Variants in TAFA2 observed in about 807,000 individuals in gnomAD.
TAFA2 encodes TAFA chemokine like family member 2, also known as chemokine-like protein TAFA-2.
In TAFA2, 7 loss-of-function variants were observed where a neutral mutation model predicts 18.8. That is an observed-to-expected ratio of 0.37 (90% CI 0.21 to 0.70). The LOEUF (loss-of-function observed/expected upper bound fraction) is 0.70, where lower values mean the gene tolerates loss of function less well. Ranked by LOEUF, TAFA2 falls within the 30% of genes least tolerant of loss-of-function variation. The probability of loss-of-function intolerance (pLI) is 0.53; values close to 1 mark genes in which losing one functional copy is unlikely to be tolerated. For synonymous variants in TAFA2, 60 were observed against 54.2 expected (o/e 1.11, Z -0.47); for missense variants, 122 against 158.1 (o/e 0.77, Z 1.23).
intron 1 of TAFA2, among the ~76,000 whole-genome samples, chr12:62,007,569 G>A (rs1880596939): frequency 6.6e-6 from 1 of 152,134 alleles, no homozygotes; most frequent in South Asian, 2.1e-4. Context: ...CTTTGAATGG[G>A]AGAGTGATCT....
intron 1 of TAFA2, among the ~76,000 whole-genome samples, chr12:62,044,975 T>C (rs1881871662): frequency 6.6e-6 from 1 of 152,088 alleles, no homozygotes; most frequent in African/African-American, 2.4e-5. Context: ...TCACTGTGCC[T>C]GACATTTTAA....
intron 1 of TAFA2, among the ~76,000 whole-genome samples, chr12:62,135,345 T>A (rs1478880399): frequency 6.6e-6 from 1 of 152,084 alleles, no homozygotes; most frequent in Non-Finnish European, 1.5e-5. Context: ...TAACTTGATA[T>A]CAAGCAAAAT....
At chr12:61,807,393 G>A (rs958743719) in intron 2 of TAFA2, among the ~76,000 whole-genome samples, 19 of 151,370 alleles carry the variant, frequency 1.3e-4, no homozygotes, top group African/African-American at 4.2e-4. Flanking sequence ...GAAGATGTAC[G>A]GAAGTGCCTG....
chr12:61,724,562 A>G (rs557533674), intron 4 of TAFA2, among the ~76,000 whole-genome samples: 2 of 152,046 alleles, frequency 1.3e-5, no homozygotes, highest in Non-Finnish European at 2.9e-5. Context: ...CCGAGTCCCC[A>G]AAGTTTATTG....
intron 2 of TAFA2, among the ~76,000 whole-genome samples, chr12:61,855,953 G>T (rs1873865064): frequency 6.6e-6 from 1 of 152,022 alleles, no homozygotes; most frequent in African/African-American, 2.4e-5. Context: ...TTATTAGAAA[G>T]TGGAAACCTA....
chr12:61,720,868 G>A (rs1390300075), intron 4 of TAFA2: 1 of 513,692 alleles, frequency 1.9e-6, no homozygotes, highest in Non-Finnish European at 3.9e-6. Flanking sequence ...ATCAGGCACA[G>A]CAGAAACCTT....
chr12:62,213,002 T>C (rs1165913940), intron 1 of TAFA2, among the ~76,000 whole-genome samples: 1 of 152,212 alleles, frequency 6.6e-6, no homozygotes, highest in Non-Finnish European at 1.5e-5. Flanking sequence ...ATATGCTAGT[T>C]CTAAAAAAAG....
At chr12:61,830,454 G>A (rs1166254937) in intron 2 of TAFA2, among the ~76,000 whole-genome samples, 1 of 151,546 alleles carries the variant, frequency 6.6e-6, no homozygotes, top group Non-Finnish European at 1.5e-5. Context: ...CAGCAATAAG[G>A]ATATAACTGG....
At chr12:62,178,177 G>T (rs972191163) in intron 1 of TAFA2, among the ~76,000 whole-genome samples, 1 of 152,126 alleles carries the variant, frequency 6.6e-6, no homozygotes, top group African/African-American at 2.4e-5. Context: ...GTGCAAGTCT[G>T]TAGTCCTAAC....
intron 1 of TAFA2, chr12:61,878,023 T>G (rs561837543): frequency 2.2e-6 from 1 of 450,552 alleles, no homozygotes; most frequent in Non-Finnish European, 4.4e-6. Context: ...TTTGGAAACA[T>G]GTTAAGTGAA....
chr12:62,235,189 G>A (rs542087524), intron 1 of TAFA2: 52 of 663,846 alleles, frequency 7.8e-5, no homozygotes, highest in African/African-American at 6.8e-4. Flanking sequence ...TAAATCATCC[G>A]GAAAGGAGTG....
chr12:61,915,923 A>T (rs1021594599), intron 1 of TAFA2, among the ~76,000 whole-genome samples: 21 of 152,206 alleles, frequency 1.4e-4, no homozygotes, highest in African/African-American at 5.1e-4. Flanking sequence ...CATACCCAGA[A>T]ACAATGTTTT....
intron 1 of TAFA2, among the ~76,000 whole-genome samples, chr12:61,912,588 T>C (rs962920799): frequency 1.2e-4 from 18 of 152,182 alleles, no homozygotes; most frequent in African/African-American, 4.3e-4. Flanking sequence ...ACAATATTCA[T>C]GAGAGAGAAG....
At chr12:61,882,000 T>C (rs1338775279) in intron 1 of TAFA2, among the ~76,000 whole-genome samples, 1 of 152,178 alleles carries the variant, frequency 6.6e-6, no homozygotes, top group East Asian at 1.9e-4. Context: ...TTTACCCACA[T>C]TGAAAATTTT....
At position 61,733,397 on chromosome 12, in the gene TAFA2, T is replaced by A. The variant is rs909174449; in HGVS notation, c.384+20225A>T. Among the ~76,000 whole-genome samples, 5 of 152,172 alleles carry A rather than the reference T, an allele frequency of 3.3e-5. No homozygotes were observed. In the South Asian group the frequency reaches 1.0e-3, roughly 32 times the overall value. On this transcript the variant is annotated intron_variant, in intron 4 of 4. Transcript: ENST00000416284. The stretch of plus-strand genomic sequence containing the variant: ...CCCAGGTTTTCTTCTAGGGTTTTTA[T>A]GGTTTTAGGTCTAACGTTTAAGTCT...
At chr12:61,824,010 C>T (rs914327165) in intron 2 of TAFA2, among the ~76,000 whole-genome samples, 1 of 152,072 alleles carries the variant, frequency 6.6e-6, no homozygotes, top group Non-Finnish European at 1.5e-5. Context: ...GCAAAAGTGA[C>T]AGGATGTCAC....
chr12:61,945,044 C>T (rs1437577153), intron 1 of TAFA2, among the ~76,000 whole-genome samples: 4 of 149,584 alleles, frequency 2.7e-5, no homozygotes, highest in African/African-American at 9.9e-5. Flanking sequence ...AACACTGATG[C>T]AAAAATCCTC....
At position 62,103,934 on chromosome 12, in the gene TAFA2, C is replaced by T. The variant is rs542109110; in HGVS notation, c.-2+87325G>A. On this transcript the variant is annotated intron_variant, in intron 1 of 4. Transcript: ENST00000416284. Reference sequence around the variant, plus strand: ...GGGATGAAACTCCATCCTCCTCTAACCCTATTGTGCCTGTGTACTGCAGTA... The same window carrying T: ...GGGATGAAACTCCATCCTCCTCTAATCCTATTGTGCCTGTGTACTGCAGTA... Among the ~76,000 whole-genome samples the T allele has an allele frequency of 5.3e-5, 8 of 152,242 alleles. No individual in the cohort carries two copies. In the South Asian group the frequency reaches 1.5e-3, roughly 28 times the overall value.
intron 2 of TAFA2, among the ~76,000 whole-genome samples, chr12:61,830,182 CTA>C (rs545538293): frequency 2.0e-5 from 3 of 149,762 alleles, no homozygotes; most frequent in Admixed American, 6.7e-5. Context: ...TGGATAAATG[CTA>C]TATATATATG....
Sources: allele counts gnomAD v4.1 joint callset (sites outside exome capture counted in the v4.1 genomes callset), GRCh38; gene constraint gnomAD v4.1.1; transcripts MANE v1.5; gene names NCBI Gene and HGNC (gene_info 2026-07-23, HGNC 2026-07-21).